The following KSR1 variants were observed in gnomAD, a reference collection of about 807,000 sequenced individuals.
The protein encoded by KSR1 is kinase suppressor of ras 1.
KSR1 carries 35 observed loss-of-function variants against 92.9 expected under a neutral mutation model. That is an observed-to-expected ratio of 0.38 (90% CI 0.29 to 0.50). The LOEUF (loss-of-function observed/expected upper bound fraction) is 0.50, where lower values mean the gene tolerates loss of function less well. Among genes scored for constraint, KSR1 ranks in the 20% least tolerant of loss-of-function variants. The pLI is 0.94. For synonymous variants in KSR1, 467 were observed against 472.6 expected (o/e 0.99, Z 0.15); for missense variants, 972 against 1,158.5 (o/e 0.84, Z 2.34).
chr17:27,575,234 G>C (rs1427684817), intron 2 of KSR1, among the ~76,000 whole-genome samples: 1 of 152,152 alleles, frequency 6.6e-6, no homozygotes, highest in Non-Finnish European at 1.5e-5. Context: ...CTATTTTCAT[G>C]GTTATTTCTT....
chr17:27,500,036 G>A (rs1266204325), intron 1 of KSR1, among the ~76,000 whole-genome samples: 1 of 152,216 alleles, frequency 6.6e-6, no homozygotes, highest in African/African-American at 2.4e-5. Context: ...TGTCAGATGG[G>A]AGAAGGCACC....
intron 1 of KSR1, among the ~76,000 whole-genome samples, chr17:27,493,442 A>G (rs1289758873): frequency 6.6e-6 from 1 of 152,190 alleles, no homozygotes; most frequent in East Asian, 1.9e-4. Flanking sequence ...TTTTTAAGTC[A>G]GAGACATTAA....
chr17:27,615,770 A>G (rs2074038337), intron 18 of KSR1, among the ~76,000 whole-genome samples: 1 of 152,214 alleles, frequency 6.6e-6, no homozygotes, highest in African/African-American at 2.4e-5. Context: ...CAGCAAATAA[A>G]CTGCGAGTGA....
intron 4 of KSR1, among the ~76,000 whole-genome samples, chr17:27,584,303 C>T (rs947479581): frequency 4.6e-5 from 7 of 152,248 alleles, no homozygotes; most frequent in Middle Eastern, 3.4e-3. Context: ...ATCTTTGGAA[C>T]GGGCCTGATC....
intron 3 of KSR1, among the ~76,000 whole-genome samples, chr17:27,580,834 T>G (rs992307759): frequency 1.6e-4 from 24 of 152,198 alleles, no homozygotes; most frequent in Non-Finnish European, 2.9e-5. Flanking sequence ...TGGCGCGATC[T>G]TGGCTCACTG....
chr17:27,553,238 C>G (rs1248509949), intron 2 of KSR1, among the ~76,000 whole-genome samples: 1 of 152,160 alleles, frequency 6.6e-6, no homozygotes, highest in Non-Finnish European at 1.5e-5. Context: ...TTAACAATTT[C>G]CCACCTCTCT....
intron 1 of KSR1, among the ~76,000 whole-genome samples, chr17:27,521,187 A>G (rs540034979): frequency 3.9e-5 from 6 of 152,220 alleles, no homozygotes; most frequent in African/African-American, 1.2e-4. Flanking sequence ...AGGCATCTCT[A>G]TATGTATACC....
At chr17:27,573,736 G>A (rs927097687) in intron 2 of KSR1, among the ~76,000 whole-genome samples, 6 of 152,214 alleles carry the variant, frequency 3.9e-5, no homozygotes, top group Admixed American at 1.3e-4. Context: ...GGAATCGTGC[G>A]CACGTGGGTT....
intron 11 of KSR1, chr17:27,602,062 T>C: frequency 1.4e-6 from 1 of 737,458 alleles, no homozygotes; most frequent in Non-Finnish European, 2.3e-6. Context: ...CAGTGCTTTT[T>C]ACTGTAACTG....
chr17:27,567,299 C>T (rs2072116191), intron 2 of KSR1, among the ~76,000 whole-genome samples: 1 of 152,058 alleles, frequency 6.6e-6, no homozygotes, highest in Non-Finnish European at 1.5e-5. Context: ...AAGAAAAGTG[C>T]ATTGTCACCA....
At chr17:27,591,940 C>T (rs1164544002) in intron 7 of KSR1, among the ~76,000 whole-genome samples, 1 of 152,214 alleles carries the variant, frequency 6.6e-6, no homozygotes, top group African/African-American at 2.4e-5. Context: ...CAAATGTAGC[C>T]GGAGGGGCTG....
rs190643074 is a variant in KSR1 at position 27,620,608 on chromosome 17, G to A, written c.2628-585G>A. Among the ~76,000 whole-genome samples, 209 of 152,324 alleles carry A rather than the reference G, an allele frequency of 1.4e-3. 5 individuals carry two copies. The East Asian group carries it at 0.035, about 26-fold the overall frequency. The stretch of plus-strand genomic sequence containing the variant: ...ACAGGAGGAAGAGTCTCTGGAAGAA[G>A]GTCGTCAGGGCTGGGTTTTGAGCCA... On this transcript the variant is annotated intron_variant, in intron 19 of 20. Coordinates refer to ENST00000644974, the MANE Select transcript of KSR1 (RefSeq NM_001394583.1).
intron 1 of KSR1, among the ~76,000 whole-genome samples, chr17:27,463,688 G>C (rs1343150492): frequency 6.6e-6 from 1 of 152,164 alleles, no homozygotes; most frequent in Non-Finnish European, 1.5e-5. Context: ...AGATAGCGGA[G>C]GGAGGGGCTG....
intron 12 of KSR1, 111 bp downstream of exon 12, chr17:27,603,999 C>A: frequency 1.8e-6 from 2 of 1,090,118 alleles, no homozygotes; most frequent in Non-Finnish European, 2.8e-6. Context: ...CAGCCAGATG[C>A]AGAACTCCCT....
intron 19 of KSR1, among the ~76,000 whole-genome samples, chr17:27,619,870 A>AC (rs2074174368): frequency 6.6e-6 from 1 of 151,880 alleles, no homozygotes; most frequent in Non-Finnish European, 1.5e-5. Flanking sequence ...CTGCCACCAC[A>AC]CCTGGCTAAT....
At chr17:27,539,314 T>G (rs2070872924) in intron 1 of KSR1, among the ~76,000 whole-genome samples, 1 of 152,172 alleles carries the variant, frequency 6.6e-6, no homozygotes, top group Non-Finnish European at 1.5e-5. Flanking sequence ...CAGGCCGTGT[T>G]GATGAAGTAT....
rs554896396 is a variant in KSR1, at chr17:27,519,626, G to T, written c.232-30942G>T. On this transcript the variant is annotated intron_variant, in intron 1 of 20. Coordinates refer to ENST00000644974, the MANE Select transcript of KSR1 (RefSeq NM_001394583.1). ...CCCGTTCTCTGCACAGCCCAGCCTT[G>T]GGTGCTTGCTTGTGGGGCCTGCAAT... 4.7e-3 allele frequency among the ~76,000 whole-genome samples: 710 copies of T among 152,292 alleles called. 2 individuals carry two copies. Among genetic ancestry groups the T allele is most frequent in the African/African-American group, 0.016 (663 of 41,558 alleles).
At chr17:27,623,196 C>A in intron 20 of KSR1, 118 bp from the exon 21 acceptor site, 1 of 697,524 alleles carries the variant, frequency 1.4e-6, no homozygotes, top group Non-Finnish European at 2.6e-6. Context: ...GCCAATCAGT[C>A]ATTTTCATTT....
At chr17:27,598,370 T>A (rs2073421750) in intron 10 of KSR1, among the ~76,000 whole-genome samples, 1 of 152,122 alleles carries the variant, frequency 6.6e-6, no homozygotes, top group African/African-American at 2.4e-5. Context: ...CAGGCACAGC[T>A]CTCCCTGTGC....
Sources: allele counts gnomAD v4.1 joint callset (sites outside exome capture counted in the v4.1 genomes callset), GRCh38; gene constraint gnomAD v4.1.1; transcripts MANE v1.5; gene names NCBI Gene and HGNC (gene_info 2026-07-23, HGNC 2026-07-21).